LIFR: variants seen among roughly 807,000 people sequenced by gnomAD.
The protein encoded by LIFR is LIF receptor subunit alpha.
LIFR carries 84 observed loss-of-function variants against 122.2 expected under a neutral mutation model. That is an observed-to-expected ratio of 0.69 (90% confidence interval 0.58 to 0.82). The LOEUF is 0.82. Ranked by LOEUF, LIFR falls within the 40% of genes least tolerant of loss-of-function variation. LIFR has a pLI of 0.00. For missense variants in LIFR, 1,294 were observed against 1,311.6 expected (o/e 0.99, Z 0.21); for synonymous variants, 422 against 434.7 (o/e 0.97, Z 0.36).
At chr5:38,578,285 C>T (rs1201010477) in intron 1 of LIFR, among the ~76,000 whole-genome samples, 51 of 149,986 alleles carry the variant, frequency 3.4e-4, no homozygotes, top group Admixed American at 2.4e-3. Flanking sequence ...CGGCTCACCG[C>T]AACGTCTGCC....
chr5:38,519,227 T>TA lies in LIFR; in HGVS notation c.561+4191_561+4192insT, dbSNP rs369619731. On this transcript the variant is annotated intron_variant, in intron 5 of 19. Transcript: ENST00000453190. ...TAGACTACAGTGGTGAATAGTCATG[T>TA]CCTAGGCCCTCAATTCACTCACTGA... 2.5e-3 allele frequency among the ~76,000 whole-genome samples: 382 copies of TA among 152,322 alleles called. 1 individual carries two copies. Among genetic ancestry groups the TA allele is most frequent in the African/African-American group, 8.6e-3 (359 of 41,572 alleles).
chr5:38,575,866 C>A (rs951542019), intron 1 of LIFR, among the ~76,000 whole-genome samples: 4 of 152,100 alleles, frequency 2.6e-5, no homozygotes, highest in African/African-American at 9.7e-5. Flanking sequence ...CTGAGGTGAC[C>A]CGGGCTCAAG....
intron 1 of LIFR, among the ~76,000 whole-genome samples, chr5:38,568,074 T>C (rs191822172): frequency 6.6e-6 from 1 of 152,350 alleles, no homozygotes; most frequent in Non-Finnish European, 1.5e-5. Flanking sequence ...CATTAACTTA[T>C]GTACAAATTA....
chr5:38,542,616 A>T (rs1472912476), intron 1 of LIFR, among the ~76,000 whole-genome samples: 1 of 152,140 alleles, frequency 6.6e-6, no homozygotes, highest in Non-Finnish European at 1.5e-5. Context: ...TGAACAGGGC[A>T]TGAGGCTCTA....
At chr5:38,577,190 C>T (rs563688005) in intron 1 of LIFR, among the ~76,000 whole-genome samples, 1 of 152,314 alleles carries the variant, frequency 6.6e-6, no homozygotes, top group Non-Finnish European at 1.5e-5. Flanking sequence ...TCTTCTCATC[C>T]TGACTTAATG....
rs765164402 is a variant in LIFR at position 38,502,761 on chromosome 5, A to G, written c.1476T>C (p.Tyr492=). 6.2e-7 allele frequency: 1 copy of G among 1,609,040 alleles called. No individual in the cohort carries two copies. The highest frequency in any genetic ancestry group is 1.1e-5 in the South Asian group (1 of 90,820). Residue 492 remains tyrosine, a synonymous_variant, in exon 11 of 20, where the codon TAT becomes TAC. Transcript: ENST00000453190. ...GATTTAACTTGTCCAGAGCAACAAGATAACTTGAATTTTCTACTCCTTTGA... is the reference window on the plus strand; with the variant it reads ...GATTTAACTTGTCCAGAGCAACAAGGTAACTTGAATTTTCTACTCCTTTGA... ...VTIKGVENSS[Y]LVALDKLNPY... is the part of the protein sequence containing the mutation.
intron 1 of LIFR, among the ~76,000 whole-genome samples, chr5:38,537,179 C>T (rs1394406902): frequency 6.6e-6 from 1 of 152,182 alleles, no homozygotes; most frequent in Non-Finnish European, 1.5e-5. Flanking sequence ...AGGCTCTCCA[C>T]TGTTTCAACA....
intron 1 of LIFR, among the ~76,000 whole-genome samples, chr5:38,545,127 G>A (rs573675566): frequency 5.3e-5 from 8 of 152,016 alleles, no homozygotes; most frequent in South Asian, 4.2e-4. Flanking sequence ...CAAATTAGCC[G>A]GGCGTGGTGG....
In LIFR at chr5:38,506,381, C is replaced by A; in HGVS notation, c.1121+122G>T. ...CAGTGCTTATAAGTGTAATTTTATA[C>A]AGCATATTTGGTTTTATATCTTGTT... On this transcript the variant is annotated intron_variant, in intron 8 of 19. Transcript: ENST00000453190. 2.6e-6 allele frequency: 3 copies of A among 1,137,808 alleles called. No homozygotes were observed. In the South Asian group the frequency reaches 3.8e-5, roughly 14 times the overall value. The allele number at this position is 1,137,808 out of a possible 1,614,324, so 70.5% of individuals were successfully genotyped here.
At chr5:38,512,766 G>C (rs772070339) in intron 5 of LIFR, among the ~76,000 whole-genome samples, 2 of 152,084 alleles carry the variant, frequency 1.3e-5, no homozygotes, top group Non-Finnish European at 2.9e-5. Context: ...TTGAGTTTTG[G>C]ATTTTCAGAT....
chr5:38,523,759 A>G (rs1171366754), intron 4 of LIFR, among the ~76,000 whole-genome samples, 177 bp from the exon 5 acceptor site: 1 of 152,246 alleles, frequency 6.6e-6, no homozygotes, highest in Non-Finnish European at 1.5e-5. Context: ...GAGATGCCAT[A>G]TATGGAAAAG....
chr5:38,560,436 A>G (rs532893561), upstream of LIFR, among the ~76,000 whole-genome samples: 1 of 152,314 alleles, frequency 6.6e-6, no homozygotes, highest in Admixed American at 6.5e-5. Flanking sequence ...CATGAAAAAT[A>G]TGACAAAGAC....
chr5:38,494,660 T>C (rs968500225), intron 13 of LIFR, among the ~76,000 whole-genome samples: 2 of 152,112 alleles, frequency 1.3e-5, no homozygotes, highest in African/African-American at 4.8e-5. Flanking sequence ...AAGAGGTAGA[T>C]TTTATAACTG....
chr5:38,550,712 T>A (rs185696826), intron 1 of LIFR, among the ~76,000 whole-genome samples: 235 of 152,248 alleles, frequency 1.5e-3, no homozygotes, highest in African/African-American at 5.3e-3. Flanking sequence ...CGGTGGTAAA[T>A]CTCGCAAAAG....
At position 38,477,365 on chromosome 5, in the gene LIFR, T is replaced by A. The variant is rs1743774249; in HGVS notation, c.*4230A>T. 1 of 213,494 alleles carries A rather than the reference T, an allele frequency of 4.7e-6. No homozygotes were observed. The highest frequency in any genetic ancestry group is 9.5e-6 in the Non-Finnish European group (1 of 105,770). The allele number at this position is 213,494 out of a possible 1,614,324, so 13.2% of individuals were successfully genotyped here. A position where few individuals can be genotyped will look rare whatever the true frequency, so the allele number is the denominator to read the frequency against. On this transcript the variant is annotated 3_prime_UTR_variant, in exon 20 of 20. Transcript: ENST00000453190. ...CTTCTATGAAAATTTTCTTCTAGAATAAATAAGATGGGCATGACAGCATGA... is the reference window on the plus strand; with the variant it reads ...CTTCTATGAAAATTTTCTTCTAGAAAAAATAAGATGGGCATGACAGCATGA...
At chr5:38,563,842 C>T (rs1364066417) in intron 1 of LIFR, among the ~76,000 whole-genome samples, 2 of 152,316 alleles carry the variant, frequency 1.3e-5, no homozygotes, top group Non-Finnish European at 2.9e-5. Context: ...CTCCTCATTC[C>T]TGAACGCTAT....
chr5:38,571,845 G>C (rs564889832), intron 1 of LIFR, among the ~76,000 whole-genome samples: 1 of 152,276 alleles, frequency 6.6e-6, no homozygotes, highest in East Asian at 1.9e-4. Flanking sequence ...CTCTAAGAGA[G>C]GCCTAAAACA....
chr5:38,568,341 G>A (rs1217483735), intron 1 of LIFR, among the ~76,000 whole-genome samples: 1 of 152,170 alleles, frequency 6.6e-6, no homozygotes, highest in Non-Finnish European at 1.5e-5. Flanking sequence ...TAAATGAAAT[G>A]AGACAAGGGC....
At chr5:38,516,074 T>G (rs1041919850) in intron 5 of LIFR, among the ~76,000 whole-genome samples, 1 of 152,226 alleles carries the variant, frequency 6.6e-6, no homozygotes, top group Non-Finnish European at 1.5e-5. Flanking sequence ...AAATGTGTTC[T>G]TTCTCATTGC....
Sources: allele counts gnomAD v4.1 joint callset (sites outside exome capture counted in the v4.1 genomes callset), GRCh38; gene constraint gnomAD v4.1.1; transcripts MANE v1.5; gene names NCBI Gene and HGNC (gene_info 2026-07-23, HGNC 2026-07-21).